The following DDX4 variants were observed in gnomAD, a reference collection of about 807,000 sequenced individuals.
The protein encoded by DDX4 is probable ATP-dependent RNA helicase DDX4.
In DDX4, 25 loss-of-function variants were observed where a neutral mutation model predicts 100.0. The ratio of observed to expected loss-of-function variants is 0.25; its 90% confidence interval spans 0.18 to 0.35. The LOEUF is 0.35. Ranked by LOEUF, DDX4 falls within the 10% of genes least tolerant of loss-of-function variation. The pLI, the probability that DDX4 is intolerant of heterozygous loss-of-function variation, is 1.00. For synonymous variants in DDX4, 259 were observed against 275.7 expected (o/e 0.94, Z 0.60); for missense variants, 635 against 882.4 (o/e 0.72, Z 3.55).
chr5:55,780,237 T>C lies in DDX4; in HGVS notation c.496+172T>C, dbSNP rs147552377. ...TATAACATTATTTTTTAGAGAGATT[T>C]GATTGCATATTGGTTAAGTTAAAAT... On this transcript the variant is annotated intron_variant, in intron 8 of 21. Transcript: ENST00000505374. Among the ~76,000 whole-genome samples, 421 of 152,354 alleles carry C rather than the reference T, an allele frequency of 2.8e-3. 2 individuals are homozygous for C. Among genetic ancestry groups the C allele is most frequent in the African/African-American group, 9.7e-3 (403 of 41,590 alleles).
chr5:55,751,770 C>G (rs766848610), intron 3 of DDX4, among the ~76,000 whole-genome samples: 12 of 152,096 alleles, frequency 7.9e-5, no homozygotes, highest in Admixed American at 2.6e-4. Flanking sequence ...TCATGGTATG[C>G]CTTATTAATC....
In DDX4 at chr5:55,777,149, TA is replaced by T. The variant is rs143163664; in HGVS notation, c.395-2810del. ...CCTAAATATTCGTGGTGAAAATTGG[TA>T]AAAATAAAATACATAGCTTTACCAT... is the stretch of plus-strand genomic sequence containing the variant. On this transcript the variant is annotated intron_variant, in intron 7 of 21. Transcript: ENST00000505374. Among the ~76,000 whole-genome samples the T allele has an allele frequency of 2.0e-5, 3 of 152,124 alleles. No individual in the cohort carries two copies. In the East Asian group the frequency reaches 5.8e-4, roughly 29 times the overall value.
chr5:55,793,286 C>G (rs1293376794), intron 17 of DDX4, among the ~76,000 whole-genome samples: 1 of 152,050 alleles, frequency 6.6e-6, no homozygotes, highest in Non-Finnish European at 1.5e-5. Context: ...CACATCCCTA[C>G]TGGAATGGTG....
intron 16 of DDX4, among the ~76,000 whole-genome samples, chr5:55,792,045 AC>A (rs1311333430): frequency 1.3e-5 from 2 of 148,336 alleles, no homozygotes; most frequent in African/African-American, 5.0e-5. Flanking sequence ...AATCACTTGA[AC>A]CCAGGAGGCA....
At chr5:55,746,306 TTGTAGAGGG>T in intron 3 of DDX4, 85 bp downstream of exon 3, 1 of 1,201,078 alleles carries the variant, frequency 8.3e-7, no homozygotes, top group Non-Finnish European at 1.2e-6. Context: ...AGTAGACATC[TTGTAGAGGG>T]TGTTTTAAAA....
At chr5:55,777,798 G>T (rs1014775529) in intron 7 of DDX4, among the ~76,000 whole-genome samples, 8 of 152,084 alleles carry the variant, frequency 5.3e-5, no homozygotes, top group Non-Finnish European at 8.8e-5. Flanking sequence ...TAGAAATAGA[G>T]ACAAAGTATA....
intron 3 of DDX4, among the ~76,000 whole-genome samples, chr5:55,750,002 T>C (rs932361008): frequency 4.6e-5 from 7 of 152,124 alleles, no homozygotes; most frequent in Non-Finnish European, 7.4e-5. Flanking sequence ...AAAAAAACTT[T>C]TAATCACACT....
chr5:55,794,413 T>C (rs936468285), intron 17 of DDX4, among the ~76,000 whole-genome samples: 1 of 151,204 alleles, frequency 6.6e-6, no homozygotes, highest in African/African-American at 2.4e-5. Context: ...TTGGCCAGGC[T>C]GGTCTTGAAC....
chr5:55,744,214 T>C (rs2111581602), intron 2 of DDX4, among the ~76,000 whole-genome samples: 1 of 152,336 alleles, frequency 6.6e-6, no homozygotes. Context: ...CAAATAGATG[T>C]TACCTAAAGA....
intron 4 of DDX4, among the ~76,000 whole-genome samples, chr5:55,761,447 AT>A (rs1740545282): frequency 6.6e-6 from 1 of 152,096 alleles, no homozygotes; most frequent in African/African-American, 2.4e-5. Flanking sequence ...ACCACAAATT[AT>A]TTTCATGTTT....
At chr5:55,765,342 G>T (rs1431138605) in intron 6 of DDX4, among the ~76,000 whole-genome samples, 2 of 145,528 alleles carry the variant, frequency 1.4e-5, no homozygotes, top group East Asian at 2.0e-4. Flanking sequence ...CTCCGAAGTG[G>T]CCTGCTTGCT....
chr5:55,739,102 A>C (rs1758845858), intron 2 of DDX4, 70 bp downstream of exon 2: 7 of 920,846 alleles, frequency 7.6e-6, no homozygotes, highest in Admixed American at 1.9e-5. Context: ...CTGTGGTGAG[A>C]GTTCTAAATT....
intron 7 of DDX4, among the ~76,000 whole-genome samples, chr5:55,776,317 C>T (rs1429380386): frequency 6.6e-6 from 1 of 152,022 alleles, no homozygotes; most frequent in Non-Finnish European, 1.5e-5. Flanking sequence ...TAGACTAAGA[C>T]CTGTGGTTCA....
At chr5:55,794,199 G>A (rs916181941) in intron 17 of DDX4, among the ~76,000 whole-genome samples, 3 of 59,110 alleles carry the variant, frequency 5.1e-5, no homozygotes, top group South Asian at 4.7e-4. Flanking sequence ...TTTTTTTTTT[G>A]TGATGAAGTC....
intron 21 of DDX4, 125 bp from the exon 22 acceptor site, chr5:55,816,338 T>C: frequency 7.3e-7 from 1 of 1,374,830 alleles, no homozygotes; most frequent in Non-Finnish European, 9.6e-7. Flanking sequence ...AGTTCTTTGA[T>C]TATTTGGGGA....
chr5:55,765,961 C>T (rs1158930974), intron 6 of DDX4, among the ~76,000 whole-genome samples: 7 of 149,394 alleles, frequency 4.7e-5, no homozygotes, highest in African/African-American at 9.9e-5. Flanking sequence ...CCCGCCATCA[C>T]GCCCGACTAA....
chr5:55,784,023 T>A (rs752050954), intron 10 of DDX4, among the ~76,000 whole-genome samples: 3 of 152,106 alleles, frequency 2.0e-5, no homozygotes, highest in Non-Finnish European at 4.4e-5. Flanking sequence ...TGGTATGTGA[T>A]ACTCCCCTCC....
intron 7 of DDX4, among the ~76,000 whole-genome samples, chr5:55,772,085 C>T (rs1373016650): frequency 4.6e-5 from 7 of 152,072 alleles, no homozygotes; most frequent in Non-Finnish European, 8.8e-5. Context: ...TGGGCGCATG[C>T]CTGTAGTCCC....
At chr5:55,746,275 G>A in intron 3 of DDX4, 54 bp downstream of exon 3, 1 of 1,499,168 alleles carries the variant, frequency 6.7e-7, no homozygotes, top group African/African-American at 1.4e-5. Flanking sequence ...GTTTCATCTA[G>A]TGAATGAAGA....
Sources: gnomAD v4.1 joint callset for allele counts (sites outside exome capture counted in the v4.1 genomes callset) on GRCh38, gnomAD v4.1.1 for gene constraint, MANE v1.5 for transcripts, NCBI Gene and HGNC (gene_info 2026-07-23, HGNC 2026-07-21) for gene names.